The following GABRA3 variants were observed in gnomAD, a reference collection of about 807,000 sequenced individuals.
GABRA3 encodes gamma-aminobutyric acid receptor subunit alpha-3.
In GABRA3, 10 loss-of-function variants were observed where a neutral mutation model predicts 30.1. The ratio of observed to expected loss-of-function variants is 0.33; its 90% CI spans 0.20 to 0.56. The LOEUF (loss-of-function observed/expected upper bound fraction) is 0.56. Ranked by LOEUF, GABRA3 falls within the 20% of genes least tolerant of loss-of-function variation. The pLI, the probability that GABRA3 is intolerant of heterozygous loss-of-function variation, is 0.89. For missense variants in GABRA3, 233 were observed against 392.0 expected (o/e 0.59, Z 3.42); for synonymous variants, 151 against 146.8 (o/e 1.03, Z -0.21).
At chrX:152,423,343 C>T (rs1292367818) in intron 1 of GABRA3, among the ~76,000 whole-genome samples, 3 of 111,366 alleles carry the variant, frequency 2.7e-5, no homozygotes, top group African/African-American at 9.8e-5. Flanking sequence ...AAGTTTGGTA[C>T]TGAGGTAAAA....
At chrX:152,251,524 A>G (rs1333013548) in intron 5 of GABRA3, among the ~76,000 whole-genome samples, 1 of 107,002 alleles carries the variant, frequency 9.3e-6, no homozygotes, top group African/African-American at 3.4e-5. Context: ...ACTATTTGCA[A>G]TCTCTACTGG....
At chrX:152,228,233 T>C (rs772630731) in intron 5 of GABRA3, among the ~76,000 whole-genome samples, 1 of 111,685 alleles carries the variant, frequency 9.0e-6, no homozygotes, top group Non-Finnish European at 1.9e-5. Context: ...GGCAAGAAGA[T>C]CAGACAGCAT....
At chrX:152,421,953 G>T (rs939983309) in intron 1 of GABRA3, among the ~76,000 whole-genome samples, 5 of 94,630 alleles carry the variant, frequency 5.3e-5, no homozygotes, top group African/African-American at 2.0e-4. Context: ...GCCAGTGGAT[G>T]TGTAAATCTG....
chrX:152,167,971 T>C lies in GABRA3; in HGVS notation c.*257A>G. 2.5e-6 allele frequency: 1 copy of C among 394,714 alleles called. No individual in the cohort carries two copies. The highest frequency in any genetic ancestry group is 4.4e-6 in the Non-Finnish European group (1 of 227,356). 32.5% of individuals were successfully genotyped at this position (394,714 alleles called of 1,213,427 possible). ...TGCAGTGCCCTCAGCTAGGGGAGAT[T>C]GGCAGACTAAGATGAGCAACTGGAC... On this transcript the variant is annotated 3_prime_UTR_variant, in exon 10 of 10. Coordinates refer to ENST00000370314, the MANE Select transcript of GABRA3 (RefSeq NM_000808.4).
At chrX:152,186,883 C>G (rs1431241930) in intron 9 of GABRA3, 1 of 111,246 alleles carries the variant, frequency 9.0e-6, no homozygotes, top group Non-Finnish European at 1.9e-5. Flanking sequence ...TCGTGAGCCA[C>G]CACATCCAGC....
chrX:152,398,923 T>TA (rs1381939985), intron 1 of GABRA3, among the ~76,000 whole-genome samples: 1 of 111,798 alleles, frequency 8.9e-6, no homozygotes, highest in Admixed American at 9.5e-5. Flanking sequence ...TGTGTGGAGA[T>TA]AGTCATGATA....
chrX:152,172,423 G>A (rs927876707), intron 9 of GABRA3, among the ~76,000 whole-genome samples: 4 of 111,854 alleles, frequency 3.6e-5, no homozygotes, highest in African/African-American at 1.3e-4. Context: ...ATCACTATAT[G>A]ATTCAGCAGT....
At chrX:152,277,259 T>C (rs945711279) in intron 4 of GABRA3, among the ~76,000 whole-genome samples, 14 of 100,713 alleles carry the variant, frequency 1.4e-4, no homozygotes, top group Non-Finnish European at 2.6e-4. Context: ...TCCTTTTAAT[T>C]AACAGTTTTT....
At chrX:152,179,439 C>T (rs1272424962) in intron 9 of GABRA3, among the ~76,000 whole-genome samples, 1 of 110,273 alleles carries the variant, frequency 9.1e-6, no homozygotes, top group Non-Finnish European at 1.9e-5. Context: ...CCAACAACTA[C>T]CCCCAACTCC....
intron 2 of GABRA3, among the ~76,000 whole-genome samples, chrX:152,350,216 T>A (rs1000930533): frequency 9.7e-6 from 1 of 103,165 alleles, no homozygotes. Context: ...ACTGGGTACA[T>A]AACAAAATGA....
At chrX:152,311,159 C>T (rs1939793023) in intron 3 of GABRA3, among the ~76,000 whole-genome samples, 1 of 111,191 alleles carries the variant, frequency 9.0e-6, no homozygotes, top group African/African-American at 3.3e-5. Context: ...ACAATCCTAC[C>T]ATCTATTCCA....
chrX:152,410,995 C>G (rs1453173587), intron 1 of GABRA3, among the ~76,000 whole-genome samples: 1 of 111,395 alleles, frequency 9.0e-6, no homozygotes, highest in Non-Finnish European at 1.9e-5. Context: ...CAGAAATTAT[C>G]AATAAGAAAT....
intron 1 of GABRA3, among the ~76,000 whole-genome samples, chrX:152,440,859 G>A (rs1448977448): frequency 9.0e-6 from 1 of 110,507 alleles, no homozygotes; most frequent in African/African-American, 3.3e-5. Flanking sequence ...ACTGGGGCCC[G>A]TCAGGGGGTG....
chrX:152,260,117 C>T lies in GABRA3; in HGVS notation c.331-4119G>A, dbSNP rs547200253. Among the ~76,000 whole-genome samples the T allele has an allele frequency of 8.2e-5, 9 of 110,180 alleles. No individual in the cohort carries two copies. The South Asian group carries it at 1.2e-3, about 15-fold the overall frequency. On this transcript the variant is annotated intron_variant, in intron 4 of 9. Transcript: ENST00000370314. Reference sequence around the variant, plus strand: ...GTAGTCTGGCGGTACTCTTGTGGGGCGGTGGTGGTGGCCATGAGGTGAGGC... The same window carrying T: ...GTAGTCTGGCGGTACTCTTGTGGGGTGGTGGTGGTGGCCATGAGGTGAGGC...
chrX:152,198,308 C>T (rs954695571), intron 7 of GABRA3, among the ~76,000 whole-genome samples: 2 of 111,921 alleles, frequency 1.8e-5, no homozygotes, highest in African/African-American at 6.5e-5. Flanking sequence ...AACCATTATG[C>T]TCCGCTGTTC....
At position 152,167,256 on chromosome X, in the gene GABRA3, C is replaced by T. The variant is rs1410500660; in HGVS notation, c.*972G>A. The T allele has an allele frequency of 1.8e-5, 2 of 111,611 alleles. No individual in the cohort carries two copies. The highest frequency in any genetic ancestry group is 3.8e-5 in the Non-Finnish European group (2 of 53,158). 9.2% of individuals were successfully genotyped at this position (111,611 alleles called of 1,213,427 possible). On this transcript the variant is annotated 3_prime_UTR_variant, in exon 10 of 10. Transcript: ENST00000370314. ...TTCTCTTTTGAGCCAGACTTCAATC[C>T]TCAACTACCATCCACTCCAAACCTC...
At chrX:152,360,999 T>G (rs1324181271) in intron 2 of GABRA3, among the ~76,000 whole-genome samples, 4 of 105,634 alleles carry the variant, frequency 3.8e-5, no homozygotes, top group Non-Finnish European at 5.8e-5. Context: ...CATGTGATCA[T>G]GTGAGCCCAG....
chrX:152,367,279 T>C (rs777851411), intron 1 of GABRA3, among the ~76,000 whole-genome samples: 1 of 111,846 alleles, frequency 8.9e-6, no homozygotes, highest in African/African-American at 3.2e-5. Flanking sequence ...CAAATGCAGA[T>C]GCCTTTGGCA....
chrX:152,434,292 C>T (rs1930722288), intron 1 of GABRA3, among the ~76,000 whole-genome samples: 1 of 111,262 alleles, frequency 9.0e-6, no homozygotes, highest in Non-Finnish European at 1.9e-5. Flanking sequence ...TCGCAGCCTA[C>T]ATCTTTCTCC....
Sources: allele counts gnomAD v4.1 joint callset (sites outside exome capture counted in the v4.1 genomes callset), GRCh38; gene constraint gnomAD v4.1.1; transcripts MANE v1.5; gene names NCBI Gene and HGNC (gene_info 2026-07-23, HGNC 2026-07-21).